CPSF4L: variants seen among roughly 807,000 people sequenced by gnomAD.
CPSF4L encodes the protein putative cleavage and polyadenylation specificity factor subunit 4-like protein.
CPSF4L carries 18 observed loss-of-function variants against 24.0 expected under a neutral mutation model. That is an observed-to-expected ratio of 0.75 (90% CI 0.52 to 1.11). The LOEUF (loss-of-function observed/expected upper bound fraction) is 1.11. CPSF4L is among the 50% of genes least tolerant of loss of function. The probability of loss-of-function intolerance (pLI) is 0.00; values close to 1 mark genes in which losing one functional copy is unlikely to be tolerated. For missense variants in CPSF4L, 211 were observed against 221.8 expected (o/e 0.95, Z 0.31); for synonymous variants, 72 against 77.2 (o/e 0.93, Z 0.35).
intron 5 of CPSF4L, chr17:73,250,153 T>C (rs1175866447): frequency 3.0e-6 from 4 of 1,343,852 alleles, no homozygotes; most frequent in South Asian, 2.8e-5. Flanking sequence ...CATACCCTGC[T>C]TAGGATGACA....
intron 3 of CPSF4L, among the ~76,000 whole-genome samples, chr17:73,256,264 G>T (rs2062024428): frequency 6.6e-6 from 1 of 152,224 alleles, no homozygotes; most frequent in Non-Finnish European, 1.5e-5. Context: ...AGGGGAACTT[G>T]GATAAACATT....
chr17:73,252,716 C>T lies in CPSF4L; in HGVS notation c.411G>A (p.Leu137=). The change falls in exon 5 of 6, where the codon CTG becomes CTA. Residue 137 remains leucine, a synonymous_variant. Transcript: ENST00000344935. The part of the protein sequence containing the change: ...YDQGFCKDGP[L]CKYRHVPRIM... ...TTCTGGGGACATGGCGGTATTTACA[C>T]AGAGGACCTGCTGAGCAAAGAGAAA... The T allele has an allele frequency of 6.5e-7, 1 of 1,549,540 alleles. No individual in the cohort carries two copies.
the CPSF4L span, chr17:73,243,077 A>AGTTTTTTTTTTGTTTTTT: frequency 3.3e-6 from 1 of 306,198 alleles, no homozygotes; most frequent in African/African-American, 3.0e-5. Flanking sequence ...GATTCTCTGA[A>AGTTTTTTTTTTGTTTTTT]TTTTTTTTTT....
intron 5 of CPSF4L, chr17:73,251,231 T>TTACA: frequency 1.7e-6 from 2 of 1,170,914 alleles, no homozygotes; most frequent in Non-Finnish European, 2.2e-6. Context: ...ATGCCTTTAG[T>TTACA]TACAGTTTTA....
At chr17:73,252,474 C>T (rs970900181) in intron 5 of CPSF4L, among the ~76,000 whole-genome samples, 156 bp downstream of exon 5, 6 of 152,184 alleles carry the variant, frequency 3.9e-5, no homozygotes, top group Non-Finnish European at 7.4e-5. Flanking sequence ...TCTGAGATTG[C>T]CAGGGTCAGG....
intron 5 of CPSF4L, chr17:73,250,926 A>G: frequency 7.1e-7 from 1 of 1,407,216 alleles, no homozygotes; most frequent in South Asian, 1.5e-5. Flanking sequence ...TTGCCCTCCC[A>G]GCTCTCAGCC....
At chr17:73,257,616 T>A in intron 3 of CPSF4L, 65 bp downstream of exon 3, 1 of 1,516,702 alleles carries the variant, frequency 6.6e-7, no homozygotes, top group Non-Finnish European at 8.9e-7. Context: ...TCTAGAAACC[T>A]TCCCATCTCA....
downstream of CPSF4L, chr17:73,247,581 A>G (rs2061969598): frequency 9.0e-6 from 4 of 445,286 alleles, no homozygotes; most frequent in South Asian, 1.1e-4. Flanking sequence ...TAAATATTTT[A>G]TATCCCTGAA....
downstream of CPSF4L, chr17:73,247,399 G>A (rs557627121): frequency 6.4e-6 from 10 of 1,571,164 alleles, no homozygotes; most frequent in South Asian, 8.9e-5. Context: ...TTCGTGCCCT[G>A]TGTTGCCCAC....
rs1001911343 is a variant in CPSF4L, at chr17:73,250,922, TC to T, written c.497+1707del. 33 of 1,390,892 alleles carry T rather than the reference TC, an allele frequency of 2.4e-5. No homozygotes were observed. In the African/African-American group the frequency reaches 4.8e-4, roughly 20 times the overall value. 86.2% of individuals were successfully genotyped at this position (1,390,892 alleles called of 1,614,324 possible). A position where few individuals can be genotyped will look rare whatever the true frequency, so the allele number is the denominator to read the frequency against. ...CCAGCTCCCTGATCATTCCTTGCCC[TC>T]CCAGCTCTCAGCCAAGCACTAGCCC... On this transcript the variant is annotated intron_variant, in intron 5 of 5. Transcript: ENST00000344935.
intron 5 of CPSF4L, chr17:73,250,102 G>A: frequency 3.1e-6 from 2 of 655,160 alleles, no homozygotes; most frequent in African/African-American, 1.9e-5. Flanking sequence ...AGGATCAAAA[G>A]AAATAAACCT....
chr17:73,248,812 G>A (rs935452436), intron 5 of CPSF4L: 2 of 379,592 alleles, frequency 5.3e-6, no homozygotes, highest in South Asian at 6.3e-5. Context: ...ACTTGGGAAT[G>A]TGTAGTTTTT....
chr17:73,260,226 C>G (rs1355001632), intron 2 of CPSF4L, among the ~76,000 whole-genome samples: 1 of 152,118 alleles, frequency 6.6e-6, no homozygotes, highest in Non-Finnish European at 1.5e-5. Context: ...TGCCTCTCTT[C>G]TAGCTGGGAG....
At chr17:73,244,165 GTAT>G (rs1227561677), downstream of CPSF4L, among the ~76,000 whole-genome samples, 4 of 152,064 alleles carry the variant, frequency 2.6e-5, no homozygotes, top group Non-Finnish European at 1.5e-5. Flanking sequence ...ATTTCTTATT[GTAT>G]TATTAAAAAA....
chr17:73,249,611 C>T (rs908476695), intron 5 of CPSF4L, among the ~76,000 whole-genome samples: 3 of 152,168 alleles, frequency 2.0e-5, no homozygotes, highest in Non-Finnish European at 4.4e-5. Flanking sequence ...CATTGCTCTT[C>T]TCCATTATTC....
At chr17:73,243,048 G>A in the CPSF4L span, 13 of 1,363,796 alleles carry the variant, frequency 9.5e-6, no homozygotes, top group African/African-American at 9.5e-5. Context: ...GTCCCATTCC[G>A]TTATGTGGAC....
At chr17:73,245,888 C>T (rs953248843), downstream of CPSF4L, 8 of 217,086 alleles carry the variant, frequency 3.7e-5, no homozygotes, top group African/African-American at 1.6e-4. Flanking sequence ...AATCCCACCC[C>T]TATCTATCCC....
downstream of CPSF4L, chr17:73,245,336 A>G (rs1568326894): frequency 1.4e-6 from 2 of 1,385,610 alleles, no homozygotes; most frequent in South Asian, 1.8e-5. Context: ...AATTATTGGA[A>G]TCTAAAATAA....
chr17:73,247,518 C>T, downstream of CPSF4L: 1 of 584,816 alleles, frequency 1.7e-6, no homozygotes, highest in Non-Finnish European at 3.0e-6. Flanking sequence ...AGTAGTATCA[C>T]TTGTCATAAT....
Sources: allele counts gnomAD v4.1 joint callset (sites outside exome capture counted in the v4.1 genomes callset), GRCh38; gene constraint gnomAD v4.1.1; transcripts MANE v1.5; gene names NCBI Gene and HGNC (gene_info 2026-07-23, HGNC 2026-07-21).